The following ACOX1 variants were observed in gnomAD, a reference collection of about 807,000 sequenced individuals.
The protein encoded by ACOX1 is peroxisomal acyl-coenzyme A oxidase 1.
ACOX1 carries 41 observed loss-of-function variants against 75.5 expected under a neutral mutation model. That is an observed-to-expected ratio of 0.54 (90% CI 0.42 to 0.70). ACOX1 has a LOEUF of 0.70. Among genes scored for constraint, ACOX1 ranks in the 30% least tolerant of loss-of-function variants. The probability of loss-of-function intolerance (pLI) is 0.00; values close to 1 mark genes in which losing one functional copy is unlikely to be tolerated. For synonymous variants in ACOX1, 303 were observed against 298.8 expected (o/e 1.01, Z -0.15); for missense variants, 630 against 837.5 (o/e 0.75, Z 3.06).
intron 2 of ACOX1, among the ~76,000 whole-genome samples, chr17:75,974,874 G>A (rs1233409893): frequency 6.6e-6 from 1 of 151,366 alleles, no homozygotes; most frequent in Non-Finnish European, 1.5e-5. Context: ...GTGAAACCCC[G>A]TCTCTACGAA....
At chr17:75,946,821 T>C (rs760050647) in intron 13 of ACOX1, 26 bp from the exon 14 acceptor site, 24 of 1,608,066 alleles carry the variant, frequency 1.5e-5, no homozygotes, top group Non-Finnish European at 1.5e-5. Context: ...AGAGAAGAAC[T>C]ACTAATAAAG....
At chr17:75,958,786 C>T (rs1295354871) in intron 3 of ACOX1, among the ~76,000 whole-genome samples, 18 of 135,868 alleles carry the variant, frequency 1.3e-4, no homozygotes, top group South Asian at 4.5e-4. Context: ...CCAGCCTGGG[C>T]GACAGAGCAC....
intron 6 of ACOX1, among the ~76,000 whole-genome samples, chr17:75,954,780 C>G (rs1482795810): frequency 6.6e-6 from 1 of 151,612 alleles, no homozygotes; most frequent in Non-Finnish European, 1.5e-5. Context: ...CCATATTGGT[C>G]AGGCTGGTCT....
In ACOX1 at chr17:75,946,676, A is replaced by G; in HGVS notation, c.*72T>C. 7.1e-7 allele frequency: 1 copy of G among 1,407,048 alleles called. No individual in the cohort carries two copies. Among genetic ancestry groups the G allele is most frequent in the Non-Finnish European group, 1.0e-6 (1 of 994,954 alleles). 87.2% of individuals were successfully genotyped at this position (1,407,048 alleles called of 1,614,324 possible). A position where few individuals can be genotyped will look rare whatever the true frequency, so the allele number is the denominator to read the frequency against. ...TTTGCTCTATAGCTATTTGAATTCG[A>G]AAAAGATTCCACAAAATTTGAGTTG... On this transcript the variant is annotated 3_prime_UTR_variant, in exon 14 of 14. Transcript: ENST00000293217.
rs768902915 is a variant in ACOX1, at chr17:75,951,538, C to T, written c.984G>A (p.Gln328=). The T allele has an allele frequency of 1.9e-6, 3 of 1,614,014 alleles. No individual in the cohort carries two copies. The Admixed American group carries it at 5.0e-5, about 27-fold the overall frequency. Residue 328 remains glutamine, a synonymous_variant, in exon 8 of 14, where the codon CAG becomes CAA. Coordinates refer to ENST00000293217, the MANE Select transcript of ACOX1 (RefSeq NM_004035.7). ...EPQILDFQTQ[Q]YKLFPLLATA... ...TGGCCAGGAGTGGAAAGAGTTTATA[C>T]TGCTGGGTTTGAAAATCCAAAATCT...
At chr17:75,968,799 G>A (rs1323607696) in intron 2 of ACOX1, among the ~76,000 whole-genome samples, 1 of 151,334 alleles carries the variant, frequency 6.6e-6, no homozygotes, top group Non-Finnish European at 1.5e-5. Context: ...GCGCATGCCT[G>A]TAATCCCAGC....
At position 75,945,918 on chromosome 17, in the gene ACOX1, T is replaced by C. The variant is rs1470325900; in HGVS notation, c.*830A>G. ...AGTGACATTTTTTTTTAATGCCAAA[T>C]ACAGTAATCTCCAAGCTTTTAATGG... On this transcript the variant is annotated 3_prime_UTR_variant, in exon 14 of 14. Transcript: ENST00000293217. 1 of 152,068 alleles carries C rather than the reference T, an allele frequency of 6.6e-6. No individual in the cohort carries two copies. The highest frequency in any genetic ancestry group is 1.5e-5 in the Non-Finnish European group (1 of 68,010). The allele number at this position is 152,068 out of a possible 1,614,324, so 9.4% of individuals were successfully genotyped here.
intron 2 of ACOX1, among the ~76,000 whole-genome samples, chr17:75,963,430 G>A (rs746728942): frequency 1.3e-5 from 2 of 152,152 alleles, no homozygotes; most frequent in African/African-American, 2.4e-5. Context: ...GGCCGGGCGC[G>A]GTGGCTCACA....
At position 75,946,516 on chromosome 17, in the gene ACOX1, T is replaced by G; in HGVS notation, c.*232A>C. 7.8e-6 allele frequency: 4 copies of G among 513,930 alleles called. No individual in the cohort carries two copies. The highest frequency in any genetic ancestry group is 1.4e-5 in the Non-Finnish European group (4 of 283,064). The allele number at this position is 513,930 out of a possible 1,614,324, so 31.8% of individuals were successfully genotyped here. Reference sequence around the variant, plus strand: ...ATTACAAAAGGAAGTCATATCGCATTTCTTAAGCTTTTTCTGAATGGTTTA... The same window carrying G: ...ATTACAAAAGGAAGTCATATCGCATGTCTTAAGCTTTTTCTGAATGGTTTA... On this transcript the variant is annotated 3_prime_UTR_variant, in exon 14 of 14. Transcript: ENST00000293217.
chr17:75,958,674 G>A (rs897927481), intron 3 of ACOX1, among the ~76,000 whole-genome samples: 5 of 151,992 alleles, frequency 3.3e-5, no homozygotes, highest in African/African-American at 4.8e-5. Context: ...TGGGCATGGT[G>A]GTGGGTGCCT....
rs182035337 is a variant in ACOX1 at position 75,963,097 on chromosome 17, C to T, written c.270-2722G>A. Among the ~76,000 whole-genome samples, 487 of 152,192 alleles carry T rather than the reference C, an allele frequency of 3.2e-3. 3 individuals are homozygous for T. Among genetic ancestry groups the T allele is most frequent in the African/African-American group, 0.011 (469 of 41,516 alleles). On this transcript the variant is annotated intron_variant, in intron 2 of 13. Transcript: ENST00000293217. ...AGTGAGCCACGATGGCACCACTGCA[C>T]TCCAGCCTGGGCGACAGAGACTCTG... is the stretch of plus-strand genomic sequence containing the variant.
chr17:75,957,008 T>TATACAC (rs1555617568), intron 4 of ACOX1, among the ~76,000 whole-genome samples: 2 of 110,176 alleles, frequency 1.8e-5, no homozygotes, highest in African/African-American at 7.5e-5. Flanking sequence ...TATATATATA[T>TATACAC]ACACACACAC....
rs1414736983 is a variant in ACOX1, at chr17:75,978,928, C to T, written c.109+37G>A. On this transcript the variant is annotated intron_variant, in intron 1 of 13. Transcript: ENST00000293217. The surrounding 1 kb of genome is among the most constrained non-coding windows in gnomAD (Gnocchi z 4.2). ...CGCATCGAGGGAGTCTCCAGCTTTT[C>T]TCGGGAAAGGAGGGAGGTCTCGCCC... is the stretch of plus-strand genomic sequence containing the variant. 1 of 1,606,538 alleles carries T rather than the reference C, an allele frequency of 6.2e-7. No individual in the cohort carries two copies.
intron 6 of ACOX1, among the ~76,000 whole-genome samples, chr17:75,954,639 T>C (rs2065807290): frequency 7.1e-6 from 1 of 140,670 alleles, no homozygotes; most frequent in Admixed American, 7.1e-5. Context: ...TGGTGTGATC[T>C]CGACTTACTG....
In ACOX1 at chr17:75,968,605, G is replaced by GAA. The variant is rs56009651; in HGVS notation, c.270-8232_270-8231dup. ...TGGGCGACAAAGCGAGACTCCGCCT[G>GAA]AAAAAAAAAAAAAAAAAAAGAAATA... On this transcript the variant is annotated intron_variant, in intron 2 of 13. Transcript: ENST00000293217. Among the ~76,000 whole-genome samples, 127 of 69,166 alleles carry GAA rather than the reference G, an allele frequency of 1.8e-3. 2 individuals are homozygous for GAA. The highest frequency in any genetic ancestry group is 3.1e-3 in the African/African-American group (50 of 16,308). 45.4% of individuals were successfully genotyped at this position (69,166 alleles called of 152,430 possible). A position where few individuals can be genotyped will look rare whatever the true frequency, so the allele number is the denominator to read the frequency against.
At chr17:75,973,535 A>G in intron 2 of ACOX1, 3 of 1,337,350 alleles carry the variant, frequency 2.2e-6, no homozygotes, top group Non-Finnish European at 3.2e-6. Flanking sequence ...AATCCCAAAC[A>G]GGTAGCAGCA....
chr17:75,956,272 G>C (rs764828949), intron 4 of ACOX1, among the ~76,000 whole-genome samples: 1 of 151,992 alleles, frequency 6.6e-6, no homozygotes, highest in Admixed American at 6.6e-5. Flanking sequence ...GCTACATGTG[G>C]CTTCTTACAT....
At chr17:75,959,105 T>C (rs1483466858) in intron 3 of ACOX1, among the ~76,000 whole-genome samples, 1 of 152,236 alleles carries the variant, frequency 6.6e-6, no homozygotes, top group Non-Finnish European at 1.5e-5. Context: ...ACAAAAATAC[T>C]GTACTAAAGC....
At chr17:75,972,189 G>A (rs1300894267) in intron 2 of ACOX1, among the ~76,000 whole-genome samples, 1 of 152,022 alleles carries the variant, frequency 6.6e-6, no homozygotes, top group African/African-American at 2.4e-5. Flanking sequence ...TTAGCCGGGC[G>A]TGGTGGCGGG....
Sources: allele counts gnomAD v4.1 joint callset (sites outside exome capture counted in the v4.1 genomes callset), GRCh38; gene constraint gnomAD v4.1.1; non-coding constraint Gnocchi (gnomAD v3.1); transcripts MANE v1.5; gene names NCBI Gene and HGNC (gene_info 2026-07-23, HGNC 2026-07-21).